Variants in HSPH1 observed in about 807,000 individuals in gnomAD.
The protein encoded by HSPH1 is heat shock protein family H (Hsp110) member 1.
Under a neutral mutation model 100.0 loss-of-function variants are expected in HSPH1, and 40 were observed. The ratio of observed to expected loss-of-function variants is 0.40; its 90% confidence interval spans 0.31 to 0.52. HSPH1 has a LOEUF of 0.52. Among genes scored for constraint, HSPH1 ranks in the 20% least tolerant of loss-of-function variants. The pLI is 0.54. For missense variants in HSPH1, 876 were observed against 1,015.1 expected, an observed-to-expected ratio of 0.86 and a Z score of 1.86; for synonymous variants, 403 against 344.0, an observed-to-expected ratio of 1.17 and a Z score of -1.90.
chr13:31,148,073 G>T lies in HSPH1; in HGVS notation c.1264C>A (p.Arg422=). ...DTEGVHEVFS[R]NHAAPFSKVL... is the part of the protein sequence containing the mutation. ...TTGGAGAAAGGAGCAGCATGGTTTC[G>T]ACTAAAGACTTCATGAACACTAGAG... is the stretch of plus-strand genomic sequence containing the variant. Residue 422 remains arginine (R), a synonymous_variant, in exon 10 of 18, where the codon CGA becomes AGA. Transcript: ENST00000320027. 6.2e-7 allele frequency: 1 copy of T among 1,606,290 alleles called. No homozygotes were observed.
chr13:31,144,001 AG>A, intron 11 of HSPH1, 78 bp from the exon 12 acceptor site: 1 of 1,227,218 alleles, frequency 8.1e-7, no homozygotes, highest in Non-Finnish European at 1.1e-6. Context: ...AGGGCACCAA[AG>A]AAAGTACACT....
At chr13:31,162,041 G>T (rs1237785440), upstream of HSPH1, 3 of 1,536,002 alleles carry the variant, frequency 2.0e-6, no homozygotes, top group African/African-American at 2.7e-5. Flanking sequence ...GAGCCTTCTG[G>T]AAAGATTCTA....
rs565061360 is a variant in HSPH1, at chr13:31,161,603, C to T, written c.-21G>A. 3 of 1,610,994 alleles carry T rather than the reference C, an allele frequency of 1.9e-6. No homozygotes were observed. Among genetic ancestry groups the T allele is most frequent in the Middle Eastern group, 3.3e-4 (2 of 6,056 alleles). On this transcript the variant is annotated 5_prime_UTR_variant, in exon 1 of 18. Transcript: ENST00000320027. ...GACATGGCCGGCTCGCGGTCCGCCT[C>T]CGCCTCGGGTCTCGGTCTGCGTCCT... is the stretch of plus-strand genomic sequence containing the variant.
chr13:31,159,339 C>A (rs373007685), intron 1 of HSPH1, among the ~76,000 whole-genome samples: 3 of 152,076 alleles, frequency 2.0e-5, no homozygotes, highest in African/African-American at 4.8e-5. Flanking sequence ...GCAAATGAAC[C>A]CAAGTTACAC....
At chr13:31,150,839 A>C in intron 7 of HSPH1, 108 bp downstream of exon 7, 1 of 1,121,554 alleles carries the variant, frequency 8.9e-7, no homozygotes, top group Non-Finnish European at 1.3e-6. Context: ...CATGTAACAC[A>C]CAATTCTGAA....
At chr13:31,141,823 C>T (rs1956106055) in intron 12 of HSPH1, among the ~76,000 whole-genome samples, 1 of 150,880 alleles carries the variant, frequency 6.6e-6, no homozygotes, top group African/African-American at 2.4e-5. Context: ...CACACACACA[C>T]ACACACATTA....
At chr13:31,146,200 AT>A (rs1242150363) in intron 10 of HSPH1, among the ~76,000 whole-genome samples, 1 of 152,190 alleles carries the variant, frequency 6.6e-6, no homozygotes, top group Non-Finnish European at 1.5e-5. Context: ...GGCTAAAAAA[AT>A]AACACTTGAG....
chr13:31,150,634 A>C (rs574275402), intron 7 of HSPH1, among the ~76,000 whole-genome samples: 1 of 152,238 alleles, frequency 6.6e-6, no homozygotes, highest in Non-Finnish European at 1.5e-5. Context: ...GGTTATTTCC[A>C]GTCCCTGCAC....
chr13:31,161,648 T>G lies in HSPH1; in HGVS notation c.-66A>C. On this transcript the variant is annotated 5_prime_UTR_variant, in exon 1 of 18. Coordinates refer to ENST00000320027, the MANE Select transcript of HSPH1 (RefSeq NM_006644.4). Reference sequence around the variant, plus strand: ...CGTCCTCCGGCCCCCTGCCTGCTTCTCCTGCCGCCGCTTTCTGCCCTGGCC... The same window carrying G: ...CGTCCTCCGGCCCCCTGCCTGCTTCGCCTGCCGCCGCTTTCTGCCCTGGCC... The G allele has an allele frequency of 6.3e-7, 1 of 1,593,520 alleles. No homozygotes were observed. Among genetic ancestry groups the G allele is most frequent in the Non-Finnish European group, 8.5e-7 (1 of 1,175,550 alleles).
chr13:31,162,116 G>A, upstream of HSPH1: 1 of 1,534,834 alleles, frequency 6.5e-7, no homozygotes. Flanking sequence ...GGCCGCTCCC[G>A]TGCCATTGGC....
At chr13:31,150,871 A>G in intron 7 of HSPH1, 76 bp downstream of exon 7, 2 of 1,406,212 alleles carry the variant, frequency 1.4e-6, no homozygotes, top group Non-Finnish European at 1.9e-6. Flanking sequence ...GACTCACAAC[A>G]CCCACTAGAA....
chr13:31,162,377 T>G (rs193070416), upstream of HSPH1: 427 of 520,938 alleles, frequency 8.2e-4, 2 homozygotes, highest in Middle Eastern at 0.016. Context: ...GTAGTCCCGC[T>G]GGGAGAAGTG....
At chr13:31,156,217 C>T (rs545205062) in intron 2 of HSPH1, among the ~76,000 whole-genome samples, 15 of 152,132 alleles carry the variant, frequency 9.9e-5, no homozygotes, top group African/African-American at 2.7e-4. Flanking sequence ...GGTGAAACCC[C>T]GTCTCTACTA....
chr13:31,138,696 A>C, intron 16 of HSPH1, 85 bp downstream of exon 16: 2 of 1,538,030 alleles, frequency 1.3e-6, no homozygotes, highest in Non-Finnish European at 1.8e-6. Flanking sequence ...CAAAGTTAAG[A>C]CTATTCATGA....
chr13:31,157,261 G>T (rs900007554), intron 2 of HSPH1, among the ~76,000 whole-genome samples: 1 of 152,182 alleles, frequency 6.6e-6, no homozygotes, highest in African/African-American at 2.4e-5. Context: ...TTTAGGTCTA[G>T]GCTATCAATA....
chr13:31,155,112 G>A (rs1284442936), intron 3 of HSPH1, among the ~76,000 whole-genome samples: 1 of 152,138 alleles, frequency 6.6e-6, no homozygotes, highest in Non-Finnish European at 1.5e-5. Context: ...ATTATTGTGT[G>A]TTGATCACAA....
intron 5 of HSPH1, 35 bp downstream of exon 5, chr13:31,152,817 G>T: frequency 7.6e-7 from 1 of 1,309,942 alleles, no homozygotes; most frequent in Non-Finnish European, 1.1e-6. Flanking sequence ...AGTTCTGATA[G>T]TATATTCACT....
Position 31,137,011 on chromosome 13 carries a change from C to A in HSPH1, c.*307G>T. 2.1e-6 allele frequency: 1 copy of A among 469,792 alleles called. No homozygotes were observed. Among genetic ancestry groups the A allele is most frequent in the Non-Finnish European group, 4.1e-6 (1 of 244,242 alleles). The allele number at this position is 469,792 out of a possible 1,614,324, so 29.1% of individuals were successfully genotyped here. On this transcript the variant is annotated 3_prime_UTR_variant, in exon 18 of 18. Transcript: ENST00000320027. The stretch of plus-strand genomic sequence containing the variant: ...TTTAATCACAGCCCTCTTGAACAAG[C>A]AGTACAGTTTTTTTTCTCCAAAAGA...
intron 8 of HSPH1, among the ~76,000 whole-genome samples, chr13:31,148,748 A>G (rs1956369168): frequency 6.6e-6 from 1 of 152,092 alleles, no homozygotes; most frequent in Non-Finnish European, 1.5e-5. Context: ...GATTAGGAAA[A>G]AAGCCTGGTC....
Sources: gnomAD v4.1 joint callset for allele counts (sites outside exome capture counted in the v4.1 genomes callset) on GRCh38, gnomAD v4.1.1 for gene constraint, MANE v1.5 for transcripts, NCBI Gene and HGNC (gene_info 2026-07-23, HGNC 2026-07-21) for gene names.